The following NAV2 variants were observed in gnomAD, a reference collection of about 807,000 sequenced individuals.
The protein encoded by NAV2 is helicase, APC down-regulated 1.
In NAV2, 54 loss-of-function variants were observed where a neutral mutation model predicts 223.2. That is an observed-to-expected ratio of 0.24 (90% CI 0.19 to 0.30). The LOEUF (loss-of-function observed/expected upper bound fraction) is 0.30. Among genes scored for constraint, NAV2 ranks in the 10% least tolerant of loss-of-function variants. NAV2 has a pLI of 1.00. For synonymous variants in NAV2, 1,279 were observed against 1,239.3 expected (o/e 1.03, Z -0.67); for missense variants, 2,806 against 3,147.5 (o/e 0.89, Z 2.60).
At chr11:19,912,697 A>G (rs938566804) in intron 6 of NAV2, among the ~76,000 whole-genome samples, 1 of 152,218 alleles carries the variant, frequency 6.6e-6, no homozygotes, top group Non-Finnish European at 1.5e-5. Flanking sequence ...AATTTCCAAG[A>G]GACCCAGACT....
rs1466040908 is a variant in NAV2, at chr11:20,034,590, C to G, written c.2769-1369C>G. Among the ~76,000 whole-genome samples, 5 of 152,266 alleles carry G rather than the reference C, an allele frequency of 3.3e-5. No homozygotes were observed. The East Asian group carries it at 9.7e-4, about 29-fold the overall frequency. On this transcript the variant is annotated intron_variant, in intron 11 of 37. Coordinates refer to ENST00000349880, the MANE Select transcript of NAV2 (RefSeq NM_145117.5). ...AGAGATGGGGTTTCACCATGTTGGC[C>G]AGGCTGGTCTCGAACTCCTGACCTC...
chr11:19,367,800 C>T (rs183590298), intron 1 of NAV2, among the ~76,000 whole-genome samples: 14 of 152,310 alleles, frequency 9.2e-5, no homozygotes, highest in African/African-American at 1.4e-4. Flanking sequence ...ATGGCTCTAT[C>T]CTTGGCTGAC....
At chr11:19,590,481 A>G (rs2046028578) in intron 1 of NAV2, among the ~76,000 whole-genome samples, 1 of 152,164 alleles carries the variant, frequency 6.6e-6, no homozygotes, top group Admixed American at 6.5e-5. Context: ...AGCTCCAGGA[A>G]ACCCAGATTA....
chr11:20,067,884 ATCT>A (rs1192901016), intron 20 of NAV2, among the ~76,000 whole-genome samples: 1 of 151,948 alleles, frequency 6.6e-6, no homozygotes, highest in Non-Finnish European at 1.5e-5. Flanking sequence ...CTTATCACAT[ATCT>A]TCTTCTGAGC....
At chr11:19,687,856 A>C (rs2152250415) in intron 1 of NAV2, among the ~76,000 whole-genome samples, 1 of 152,300 alleles carries the variant, frequency 6.6e-6, no homozygotes, top group South Asian at 2.1e-4. Context: ...GGGATCACAG[A>C]AAATGAGTGC....
intron 26 of NAV2, among the ~76,000 whole-genome samples, chr11:20,088,383 C>T (rs762643961): frequency 4.2e-4 from 64 of 152,290 alleles, no homozygotes; most frequent in African/African-American, 6.0e-4. Context: ...GACGGGGTTT[C>T]GCCGTGTTGG....
chr11:20,010,185 G>A (rs553164957), intron 11 of NAV2, among the ~76,000 whole-genome samples: 2 of 152,054 alleles, frequency 1.3e-5, no homozygotes, highest in Non-Finnish European at 2.9e-5. Flanking sequence ...CTTCCCTTCT[G>A]TAAGACTTCT....
At chr11:19,775,205 C>A (rs766046842) in intron 1 of NAV2, among the ~76,000 whole-genome samples, 1 of 152,106 alleles carries the variant, frequency 6.6e-6, no homozygotes. Context: ...TATTTTAATA[C>A]AGAATATGCT....
At chr11:19,601,480 G>A (rs887239208) in intron 1 of NAV2, among the ~76,000 whole-genome samples, 3 of 152,138 alleles carry the variant, frequency 2.0e-5, no homozygotes, top group African/African-American at 7.2e-5. Flanking sequence ...TTCCTACCCT[G>A]ACCATAAGTT....
chr11:19,406,821 G>A (rs561413442), intron 1 of NAV2, among the ~76,000 whole-genome samples: 2 of 152,224 alleles, frequency 1.3e-5, no homozygotes, highest in South Asian at 4.2e-4. Flanking sequence ...ATAGTTTAAG[G>A]AAATTCCTTA....
intron 10 of NAV2, among the ~76,000 whole-genome samples, chr11:19,980,554 G>A (rs939649948): frequency 3.6e-4 from 55 of 152,300 alleles, no homozygotes; most frequent in Non-Finnish European, 1.2e-4. Context: ...CAGTCCTCTG[G>A]CTCCCTGAAC....
intron 10 of NAV2, among the ~76,000 whole-genome samples, chr11:19,954,322 G>A (rs1235776369): frequency 2.6e-5 from 4 of 152,128 alleles, no homozygotes; most frequent in Non-Finnish European, 5.9e-5. Context: ...TTGGTGGCAG[G>A]AATTACTCCA....
Position 19,984,269 on chromosome 11 carries a change from C to T in NAV2, c.2768+22C>T, listed in dbSNP as rs748897546. ...ACAGGTAAGCTTGCTGCACTTGGGGCTGGTCAGATGCAGAGGTGATCCCAG... is the reference window on the plus strand; with the variant it reads ...ACAGGTAAGCTTGCTGCACTTGGGGTTGGTCAGATGCAGAGGTGATCCCAG... On this transcript the variant is annotated intron_variant, in intron 11 of 37. Coordinates refer to ENST00000349880, the MANE Select transcript of NAV2 (RefSeq NM_145117.5). 2.5e-6 allele frequency: 4 copies of T among 1,613,192 alleles called. No homozygotes were observed. In the African/African-American group the frequency reaches 4.0e-5, roughly 16 times the overall value.
intron 1 of NAV2, among the ~76,000 whole-genome samples, chr11:19,481,907 C>G (rs2042293293): frequency 2.6e-5 from 4 of 152,178 alleles, no homozygotes; most frequent in Admixed American, 2.6e-4. Context: ...ACCTCAGGCA[C>G]TTTAATAGTA....
intron 19 of NAV2, among the ~76,000 whole-genome samples, chr11:20,061,043 C>T (rs1246479304): frequency 2.6e-5 from 4 of 152,152 alleles, no homozygotes; most frequent in African/African-American, 9.7e-5. Flanking sequence ...CCCAGTGCCT[C>T]CCACTTTAGA....
intron 10 of NAV2, among the ~76,000 whole-genome samples, chr11:19,968,090 C>T (rs1042186911): frequency 5.3e-5 from 8 of 151,372 alleles, no homozygotes; most frequent in Non-Finnish European, 8.8e-5. Context: ...GTATGAGGAC[C>T]GCTGGAAACA....
chr11:20,033,304 C>G (rs1369382873), intron 11 of NAV2, among the ~76,000 whole-genome samples: 1 of 152,202 alleles, frequency 6.6e-6, no homozygotes, highest in Non-Finnish European at 1.5e-5. Context: ...TAGTTGTTAT[C>G]GCTAAGCAGG....
chr11:19,931,509 T>C (rs1255244398), intron 6 of NAV2, among the ~76,000 whole-genome samples: 1 of 151,818 alleles, frequency 6.6e-6, no homozygotes. Flanking sequence ...TTCACTCGGC[T>C]TCAGCAGCCG....
chr11:20,045,302 G>A lies in NAV2; in HGVS notation c.3534G>A (p.Gly1178=). ...ATGGGGCTCAGAATCAGGATGACGG[G>A]TATCTAGCCCTAAGCTCCCGGACAA... ...SMDGAQNQDD[G]YLALSSRTNL... Residue 1178 remains glycine (G), a synonymous_variant, in exon 14 of 38, where the codon GGG becomes GGA. Coordinates refer to ENST00000349880, the MANE Select transcript of NAV2 (RefSeq NM_145117.5). 2 of 1,614,184 alleles carry A rather than the reference G, an allele frequency of 1.2e-6. No individual in the cohort carries two copies.
Sources: allele counts gnomAD v4.1 joint callset (sites outside exome capture counted in the v4.1 genomes callset), GRCh38; gene constraint gnomAD v4.1.1; transcripts MANE v1.5; gene names NCBI Gene and HGNC (gene_info 2026-07-23, HGNC 2026-07-21).